MGAM: variants seen among roughly 807,000 people sequenced by gnomAD.
MGAM encodes the protein maltase-glucoamylase.
In MGAM, 253 loss-of-function variants were observed where a neutral mutation model predicts 358.8. The ratio of observed to expected loss-of-function variants is 0.71; its 90% CI spans 0.64 to 0.78. MGAM has a LOEUF of 0.78. MGAM is among the 30% of genes least tolerant of loss of function. The pLI is 0.00. For synonymous variants in MGAM, 1,105 were observed against 1,227.1 expected (o/e 0.90, Z 2.08); for missense variants, 3,080 against 3,432.6 (o/e 0.90, Z 2.57).
intron 49 of MGAM, among the ~76,000 whole-genome samples, chr7:142,080,421 A>G (rs765390549): frequency 6.8e-6 from 1 of 146,414 alleles, no homozygotes; most frequent in East Asian, 2.0e-4. Context: ...AATAGATTTC[A>G]CTTTGGGGAG....
At position 142,052,858 on chromosome 7, in the gene MGAM, T is replaced by C. The variant is rs2960743; in HGVS notation, c.3033T>C (p.Asn1011=). Residue 1011 remains asparagine, a synonymous_variant, in exon 26 of 71, where the codon AAT becomes AAC. Coordinates refer to ENST00000475668, the MANE Select transcript of MGAM (RefSeq NM_001365693.1). Reference sequence around the variant, plus strand: ...ACTCTGTCAGTGATGTTCAGTATAATTCCCATGGGGCCACAGCTGACATCT... The same window carrying C: ...ACTCTGTCAGTGATGTTCAGTATAACTCCCATGGGGCCACAGCTGACATCT... The part of the protein sequence containing the change: ...DLYSVSDVQY[N]SHGATADISL... The C allele has an allele frequency of 7.4e-6, 12 of 1,613,770 alleles. No homozygotes were observed. Among genetic ancestry groups the C allele is most frequent in the Middle Eastern group, 1.6e-4 (1 of 6,084 alleles).
In MGAM at chr7:142,090,368, C is replaced by T. The variant is rs1340777733; in HGVS notation, c.6811-1545C>T. ...CTAATTCTCCATCCCCCACCCATCC[C>T]GTCGTTTCTAACCCTTCCTGATCTG... is the stretch of plus-strand genomic sequence containing the variant. On this transcript the variant is annotated intron_variant, in intron 57 of 70. Coordinates refer to ENST00000475668, the MANE Select transcript of MGAM (RefSeq NM_001365693.1). Among the ~76,000 whole-genome samples the T allele has an allele frequency of 1.0e-4, 15 of 145,452 alleles. 1 individual carries two copies. In the East Asian group the frequency reaches 1.4e-3, roughly 14 times the overall value.
At chr7:142,100,713 C>T (rs1816368125) in intron 67 of MGAM, 89 bp from the exon 68 acceptor site, 3 of 1,125,164 alleles carry the variant, frequency 2.7e-6, no homozygotes, top group Non-Finnish European at 4.0e-6. Flanking sequence ...CAAAGCACTT[C>T]CCTTTGCTGC....
intron 4 of MGAM, among the ~76,000 whole-genome samples, chr7:142,020,399 G>C (rs1425255197): frequency 6.6e-6 from 1 of 152,004 alleles, no homozygotes; most frequent in Non-Finnish European, 1.5e-5. Flanking sequence ...ATGAGTGTTA[G>C]GCTTATTGGG....
intron 18 of MGAM, 31 bp downstream of exon 18, chr7:142,037,008 T>C (rs782492966): frequency 1.1e-4 from 175 of 1,593,816 alleles, no homozygotes; most frequent in Non-Finnish European, 1.5e-4. Flanking sequence ...TAAATTTTAT[T>C]AATGCATCTG....
chr7:142,025,203 C>A, intron 8 of MGAM, 54 bp downstream of exon 8: 1 of 1,304,562 alleles, frequency 7.7e-7, no homozygotes. Flanking sequence ...CAGTCCCTTT[C>A]TTACAGCACT....
chr7:142,034,242 T>C lies in MGAM; in HGVS notation c.1670-20T>C. On this transcript the variant is annotated intron_variant, in intron 14 of 70. Coordinates refer to ENST00000475668, the MANE Select transcript of MGAM (RefSeq NM_001365693.1). Reference sequence around the variant, plus strand: ...ATGTGCAACTTAGGCTCTCACTGATTGATCCTGCTTTTGTTTCAGGAATCC... The same window carrying C: ...ATGTGCAACTTAGGCTCTCACTGATCGATCCTGCTTTTGTTTCAGGAATCC... The C allele has an allele frequency of 6.5e-7, 1 of 1,526,876 alleles. No individual in the cohort carries two copies. The highest frequency in any genetic ancestry group is 1.2e-5 in the South Asian group (1 of 84,288). The allele number at this position is 1,526,876 out of a possible 1,614,324, so 94.6% of individuals were successfully genotyped here. A position where few individuals can be genotyped will look rare whatever the true frequency, so the allele number is the denominator to read the frequency against.
intron 57 of MGAM, among the ~76,000 whole-genome samples, chr7:142,087,527 T>G (rs10464448): frequency 0.51 from 73,341 of 144,796 alleles, 23,558 homozygotes; most frequent in African/African-American, 0.67. Flanking sequence ...TTAGTGCGGG[T>G]CCAAGGGCTT....
chr7:142,069,364 G>A (rs544899626), intron 43 of MGAM, among the ~76,000 whole-genome samples: 1 of 146,022 alleles, frequency 6.8e-6, no homozygotes, highest in African/African-American at 2.4e-5. Flanking sequence ...GTCTTCCCGG[G>A]CAGCTCTGGG....
chr7:141,987,826 T>C (rs1554446499), intron 2 of MGAM, among the ~76,000 whole-genome samples: 1 of 152,204 alleles, frequency 6.6e-6, no homozygotes, highest in African/African-American at 2.4e-5. Context: ...CCTATGAACA[T>C]TGGATTCCTG....
chr7:142,070,629 C>G lies in MGAM; in HGVS notation c.5062-365C>G, dbSNP rs768161272. Among the ~76,000 whole-genome samples, 96 of 145,770 alleles carry G rather than the reference C, an allele frequency of 6.6e-4. 14 individuals carry two copies. The highest frequency in any genetic ancestry group is 1.3e-3 in the Non-Finnish European group (83 of 64,336). On this transcript the variant is annotated intron_variant, in intron 43 of 70. Coordinates refer to ENST00000475668, the MANE Select transcript of MGAM (RefSeq NM_001365693.1). The stretch of plus-strand genomic sequence containing the variant: ...GATAGCCCCATCGCCAGAGAATTGT[C>G]TGGCCCCAAATCTCAATAGTGCTGA...
intron 1 of MGAM, among the ~76,000 whole-genome samples, chr7:141,996,530 T>A (rs1263297088): frequency 1.3e-5 from 2 of 152,164 alleles, no homozygotes; most frequent in African/African-American, 4.8e-5. Flanking sequence ...TATTTAATAC[T>A]TAGGTTGAGG....
At chr7:142,064,841 G>A (rs1391828330) in intron 37 of MGAM, among the ~76,000 whole-genome samples, 1 of 152,094 alleles carries the variant, frequency 6.6e-6, no homozygotes, top group African/African-American at 2.4e-5. Context: ...TACAGGAGGT[G>A]AAGGGAACAC....
intron 30 of MGAM, among the ~76,000 whole-genome samples, chr7:142,057,760 G>C (rs551512993): frequency 3.3e-5 from 5 of 152,244 alleles, no homozygotes; most frequent in Admixed American, 2.6e-4. Context: ...CTGCATGTTA[G>C]AGCATTTCAC....
rs61055025 is a variant in MGAM, at chr7:142,003,178, A to G, written c.-2-2351A>G. On this transcript the variant is annotated intron_variant, in intron 1 of 70. Coordinates refer to ENST00000475668, the MANE Select transcript of MGAM (RefSeq NM_001365693.1). ...CTACAGATTCAGTGCAATTGTTATC[A>G]AATTACCAATATTATTCTTCACAGG... 1.4e-3 allele frequency among the ~76,000 whole-genome samples: 212 copies of G among 152,216 alleles called. 1 individual carries two copies. The highest frequency in any genetic ancestry group is 4.5e-3 in the African/African-American group (189 of 41,550).
rs1458563204 is a variant in MGAM, at chr7:142,071,264, T to C, written c.5186+146T>C. On this transcript the variant is annotated intron_variant, in intron 44 of 70. Coordinates refer to ENST00000475668, the MANE Select transcript of MGAM (RefSeq NM_001365693.1). ...TTTCTTTGTTTTGTTGTTTGTGTGT[T>C]AATCTTTTTCAGACTCTATACTTTT... 1.8e-6 allele frequency: 2 copies of C among 1,104,892 alleles called. 1 individual carries two copies. Among genetic ancestry groups the C allele is most frequent in the Non-Finnish European group, 2.5e-6 (2 of 797,376 alleles). The allele number at this position is 1,104,892 out of a possible 1,614,324, so 68.4% of individuals were successfully genotyped here.
rs1563134894 is a variant in MGAM at position 142,034,544 on chromosome 7, GT to G, written c.1788-125del. 2.2e-5 allele frequency: 22 copies of G among 1,012,906 alleles called. 1 individual carries two copies. In the South Asian group the frequency reaches 3.7e-4, roughly 17 times the overall value. The allele number at this position is 1,012,906 out of a possible 1,614,324, so 62.7% of individuals were successfully genotyped here. A position where few individuals can be genotyped will look rare whatever the true frequency, so the allele number is the denominator to read the frequency against. ...AATGCTCCCAACAGGGACTCTAATT[GT>G]ACCGAAAGAGAGTTGGAAGAGAATG... is the stretch of plus-strand genomic sequence containing the variant. On this transcript the variant is annotated intron_variant, in intron 15 of 70. Coordinates refer to ENST00000475668, the MANE Select transcript of MGAM (RefSeq NM_001365693.1).
intron 2 of MGAM, 51 bp downstream of exon 2, chr7:142,005,708 A>C: frequency 6.4e-7 from 1 of 1,550,676 alleles, no homozygotes; most frequent in South Asian, 1.2e-5. Context: ...ATTAGAGCAA[A>C]CCTTCAACAA....
Position 142,045,913 on chromosome 7 carries a change from ATATATATATTAT to A in MGAM, c.2499-1871_2499-1860del, listed in dbSNP as rs1484453383. On this transcript the variant is annotated intron_variant, in intron 21 of 70. Transcript: ENST00000475668. The stretch of plus-strand genomic sequence containing the variant: ...ATATTATGTATACATACAATATGTA[ATATATATATTAT>A]GTATACATACAATATGTAATATATA... Among the ~76,000 whole-genome samples the A allele has an allele frequency of 3.4e-4, 9 of 26,526 alleles. 3 individuals carry two copies. Among genetic ancestry groups the A allele is most frequent in the African/African-American group, 1.1e-3 (9 of 8,056 alleles). The allele number at this position is 26,526 out of a possible 152,430, so 17.4% of individuals were successfully genotyped here.
Sources: gnomAD v4.1 joint callset for allele counts (sites outside exome capture counted in the v4.1 genomes callset) on GRCh38, gnomAD v4.1.1 for gene constraint, MANE v1.5 for transcripts, NCBI Gene and HGNC (gene_info 2026-07-23, HGNC 2026-07-21) for gene names.